Variants in INPP1 observed in about 807,000 individuals in gnomAD.
INPP1 encodes inositol polyphosphate 1-phosphatase.
Under a neutral mutation model 23.0 loss-of-function variants are expected in INPP1, and 18 were observed. That is an observed-to-expected ratio of 0.78 (90% CI 0.54 to 1.16). INPP1 has a LOEUF of 1.16. Ranked by LOEUF, INPP1 falls within the 50% of genes most tolerant of loss-of-function variation. The pLI is 0.00. For synonymous variants in INPP1, 164 were observed against 176.3 expected (o/e 0.93, Z 0.55); for missense variants, 448 against 482.1 (o/e 0.93, Z 0.66).
rs1384864096 is a variant in INPP1 at position 190,363,234 on chromosome 2, GGTTT to G, written c.265+560_265+563del. ...GATTCCTTTTAGTACTAAGTTTTTTGGTTTGTTTGTTTGTTTTTGAGACAGAGTT... is the reference window on the plus strand; with the variant it reads ...GATTCCTTTTAGTACTAAGTTTTTTGGTTTGTTTGTTTTTGAGACAGAGTT... On this transcript the variant is annotated intron_variant, in intron 4 of 6. Transcript: ENST00000392329. This position sits in a 1 kb window ranked among gnomAD's most constrained non-coding sequence, Gnocchi z 4.4. Among the ~76,000 whole-genome samples, 1 of 152,020 alleles carries G rather than the reference GGTTT, an allele frequency of 6.6e-6. No individual in the cohort carries two copies. Among genetic ancestry groups the G allele is most frequent in the African/African-American group, 2.4e-5 (1 of 41,386 alleles).
At chr2:190,350,298 T>C (rs1018450174) in intron 2 of INPP1, among the ~76,000 whole-genome samples, 2 of 152,222 alleles carry the variant, frequency 1.3e-5, no homozygotes, top group African/African-American at 4.8e-5. Context: ...TAATTTACTT[T>C]ACAAAAAGGC....
chr2:190,371,386 C>A lies in INPP1; in HGVS notation c.1184C>A (p.Ala395Glu), dbSNP rs1689803254. The A allele has an allele frequency of 6.6e-7, 1 of 1,526,044 alleles. No individual in the cohort carries two copies. The highest frequency in any genetic ancestry group is 1.4e-5 in the African/African-American group (1 of 71,868). The allele number at this position is 1,526,044 out of a possible 1,614,324, so 94.5% of individuals were successfully genotyped here. A position where few individuals can be genotyped will look rare whatever the true frequency, so the allele number is the denominator to read the frequency against. ...CTCCTGGTCCAAAACCTGGCACCTG[C>A]AGAGACGCATACCTAGAGGAACTCT... ...LSLLVQNLAP[A>E]ETHT The change falls in exon 7 of 7, where the codon GCA becomes GAA. Residue 395 changes from alanine to glutamate, a missense_variant. By Grantham distance (107) the Ala-to-Glu change is moderately radical. Coordinates refer to ENST00000392329, the MANE Select transcript of INPP1 (RefSeq NM_001128928.2). The surrounding 1 kb of genome is among the most constrained non-coding windows in gnomAD (Gnocchi z 5.3).
Position 190,364,606 on chromosome 2 carries a change from T to TTTTTTTTTTTTTG in INPP1, c.265+1919_265+1920insTTTTTTTTTTTTG, listed in dbSNP as rs796196740. 3.6e-3 allele frequency among the ~76,000 whole-genome samples: 344 copies of TTTTTTTTTTTTTG among 96,316 alleles called. 39 individuals are homozygous for TTTTTTTTTTTTTG. Among genetic ancestry groups the TTTTTTTTTTTTTG allele is most frequent in the African/African-American group, 0.013 (288 of 22,978 alleles). The allele number at this position is 96,316 out of a possible 152,430, so 63.2% of individuals were successfully genotyped here. ...GAGGTTCTGATTTTTTTTTTTTTTT[T>TTTTTTTTTTTTTG]GTTAGATGGAGTCTCCCTCTGTTGC... On this transcript the variant is annotated intron_variant, in intron 4 of 6. Transcript: ENST00000392329.
intron 2 of INPP1, among the ~76,000 whole-genome samples, chr2:190,359,050 A>G (rs1427617868): frequency 6.6e-6 from 1 of 152,344 alleles, no homozygotes; most frequent in Admixed American, 6.5e-5. Flanking sequence ...CTGTAGTCCC[A>G]GCACTTTGGG....
rs1689507724 is a variant in INPP1, at chr2:190,360,190, C to A, written c.88C>A (p.Gln30Lys). Residue 30 changes from glutamine (Q) to lysine (K), a missense_variant, in exon 3 of 7, where the codon CAG (glutamine) becomes AAG (lysine). Transcript: ENST00000392329. Reference protein sequence around the residue: ...RACRQQEALFQLLIEEKKEGE... With the variant: ...RACRQQEALFKLLIEEKKEGE... ...GTGCAGACAGCAGGAAGCCCTCTTC[C>A]AGCTGCTGATCGAAGAAAAGAAAGA... 1.2e-6 allele frequency: 2 copies of A among 1,614,070 alleles called. No individual in the cohort carries two copies. The highest frequency in any genetic ancestry group is 1.7e-6 in the Non-Finnish European group (2 of 1,180,046).
intron 6 of INPP1, among the ~76,000 whole-genome samples, chr2:190,369,710 T>C (rs548743502): frequency 6.6e-6 from 1 of 152,254 alleles, no homozygotes; most frequent in African/African-American, 2.4e-5. Context: ...AATGAAAAGA[T>C]TGGTAGGCAT....
chr2:190,371,346 G>C lies in INPP1; in HGVS notation c.1144G>C (p.Glu382Gln), dbSNP rs757398200. 1 of 1,557,280 alleles carries C rather than the reference G, an allele frequency of 6.4e-7. No homozygotes were observed. Among genetic ancestry groups the C allele is most frequent in the South Asian group, 1.2e-5 (1 of 81,140 alleles). Residue 382 changes from glutamate to glutamine, a missense_variant, in exon 7 of 7, where the codon GAG becomes CAG. By Grantham distance (29) the Glu-to-Gln change is conservative. Transcript: ENST00000392329. The surrounding 1 kb of genome is among the most constrained non-coding windows in gnomAD (Gnocchi z 5.3). ...TGCATACAGATCCAGGAAGCGGCTG[G>C]AGACATTCCTGAGCCTCCTGGTCCA... Reference protein sequence around the residue: ...LIAYRSRKRLETFLSLLVQNL... With the variant: ...LIAYRSRKRLQTFLSLLVQNL...
At chr2:190,360,698 A>C (rs1689518416) in intron 3 of INPP1, among the ~76,000 whole-genome samples, 1 of 152,212 alleles carries the variant, frequency 6.6e-6, no homozygotes, top group Non-Finnish European at 1.5e-5. Context: ...GATAAATATT[A>C]TAACATTTTC....
At chr2:190,362,138 G>A (rs541286658) in intron 3 of INPP1, among the ~76,000 whole-genome samples, 2 of 152,162 alleles carry the variant, frequency 1.3e-5, no homozygotes, top group African/African-American at 4.8e-5. Flanking sequence ...ATCTGAGAGT[G>A]GGGAAACAAA....
rs1689162286 is a variant in INPP1 at position 190,343,854 on chromosome 2, G to A, written c.-316G>A. 1 of 170,996 alleles carries A rather than the reference G, an allele frequency of 5.8e-6. No homozygotes were observed. The highest frequency in any genetic ancestry group is 1.3e-5 in the Non-Finnish European group (1 of 78,776). 10.6% of individuals were successfully genotyped at this position (170,996 alleles called of 1,614,324 possible). A position where few individuals can be genotyped will look rare whatever the true frequency, so the allele number is the denominator to read the frequency against. ...TGCGGCCGCACGCCCAGCGCCCCTC[G>A]CCTAACCTCGCGCCCGGGCCGCGCC... On this transcript the variant is annotated 5_prime_UTR_variant, in exon 1 of 7. Transcript: ENST00000392329.
intron 4 of INPP1, among the ~76,000 whole-genome samples, chr2:190,366,240 TCTCA>T (rs1191012235): frequency 1.8e-4 from 27 of 150,372 alleles, no homozygotes; most frequent in African/African-American, 6.1e-4. Context: ...TTGCTCTCTG[TCTCA>T]CTCTTTCCCT....
chr2:190,347,423 A>G (rs147485997), intron 1 of INPP1, among the ~76,000 whole-genome samples: 137 of 152,270 alleles, frequency 9.0e-4, no homozygotes, highest in African/African-American at 3.1e-3. Flanking sequence ...AAGAAATAGA[A>G]TATTAAATAC....
rs374452586 is a variant in INPP1, at chr2:190,344,137, G to T, written c.-209+176G>T. 1,015 of 171,984 alleles carry T rather than the reference G, an allele frequency of 5.9e-3. 6 individuals carry two copies. Among genetic ancestry groups the T allele is most frequent in the Non-Finnish European group, 8.3e-3 (655 of 79,332 alleles). The allele number at this position is 171,984 out of a possible 1,614,324, so 10.7% of individuals were successfully genotyped here. ...CTGCGCGCCGGCCTGCGAGGTCCCT[G>T]CCCCGGCAGCGAGGCCGCCCCCGGC... is the stretch of plus-strand genomic sequence containing the variant. On this transcript the variant is annotated intron_variant, in intron 1 of 6. Transcript: ENST00000392329.
chr2:190,358,072 A>ATTT (rs749071988), intron 2 of INPP1, among the ~76,000 whole-genome samples: 71 of 111,390 alleles, frequency 6.4e-4, no homozygotes, highest in Non-Finnish European at 9.0e-4. Context: ...CATTAAGGGA[A>ATTT]TTTTTTTTTT....
chr2:190,346,705 C>A lies in INPP1; in HGVS notation c.-208-2183C>A, dbSNP rs1689222695. ...GCTTATGCAGTCTCCACCTCTCAGGCTCAAGGAATCCTCCCACCCCAGCCT... is the reference window on the plus strand; with the variant it reads ...GCTTATGCAGTCTCCACCTCTCAGGATCAAGGAATCCTCCCACCCCAGCCT... On this transcript the variant is annotated intron_variant, in intron 1 of 6. Coordinates refer to ENST00000392329, the MANE Select transcript of INPP1 (RefSeq NM_001128928.2). The surrounding 1 kb of genome is among the most constrained non-coding windows in gnomAD (Gnocchi z 5.1). Among the ~76,000 whole-genome samples, 1 of 151,968 alleles carries A rather than the reference C, an allele frequency of 6.6e-6. No individual in the cohort carries two copies. Among genetic ancestry groups the A allele is most frequent in the African/African-American group, 2.4e-5 (1 of 41,386 alleles).
chr2:190,355,600 T>A lies in INPP1; in HGVS notation c.-64-4439T>A, dbSNP rs750436609. On this transcript the variant is annotated intron_variant, in intron 2 of 6. Coordinates refer to ENST00000392329, the MANE Select transcript of INPP1 (RefSeq NM_001128928.2). This position sits in a 1 kb window ranked among gnomAD's most constrained non-coding sequence, Gnocchi z 5.1. ...TTTAGAAGGCCATCTTGGGTAATTC[T>A]GATACAGGTAACTCTCAGAACATCC... Among the ~76,000 whole-genome samples, 25 of 152,336 alleles carry A rather than the reference T, an allele frequency of 1.6e-4. No homozygotes were observed. The highest frequency in any genetic ancestry group is 3.2e-4 in the Non-Finnish European group (22 of 68,030).
At position 190,352,984 on chromosome 2, in the gene INPP1, G is replaced by A. The variant is rs1189845041; in HGVS notation, c.-65+3953G>A. ...ACCGTGGGGGTGGGGTGGAGTCAAT[G>A]CGCAATGGGCAAAAATGTGTACTCT... On this transcript the variant is annotated intron_variant, in intron 2 of 6. Coordinates refer to ENST00000392329, the MANE Select transcript of INPP1 (RefSeq NM_001128928.2). This position sits in a 1 kb window ranked among gnomAD's most constrained non-coding sequence, Gnocchi z 4.7. Among the ~76,000 whole-genome samples the A allele has an allele frequency of 2.6e-5, 4 of 152,200 alleles. No individual in the cohort carries two copies. The highest frequency in any genetic ancestry group is 5.9e-5 in the Non-Finnish European group (4 of 68,050).
Position 190,366,910 on chromosome 2 carries a change from G to GTATGT in INPP1, c.466+17_466+21dup. The GTATGT allele has an allele frequency of 6.5e-7, 1 of 1,547,844 alleles. No individual in the cohort carries two copies. Among genetic ancestry groups the GTATGT allele is most frequent in the Non-Finnish European group, 8.9e-7 (1 of 1,120,238 alleles). ...GGACCCCATAGGTAAGTATAGGAAAGTATGTTTGTTCTTATTTGCAATCTT... is the reference window on the plus strand; with the variant it reads ...GGACCCCATAGGTAAGTATAGGAAAGTATGTTATGTTTGTTCTTATTTGCAATCTT... On this transcript the variant is annotated intron_variant, in intron 5 of 6. Transcript: ENST00000392329.
Position 190,371,384 on chromosome 2 carries a change from T to A in INPP1, c.1182T>A (p.Pro394=), listed in dbSNP as rs1018504160. ...FLSLLVQNLA[P]AETHT is the part of the protein sequence containing the mutation. ...GCCTCCTGGTCCAAAACCTGGCACC[T>A]GCAGAGACGCATACCTAGAGGAACT... The change falls in exon 7 of 7, where the codon CCT becomes CCA. Residue 394 remains proline, a synonymous_variant. Transcript: ENST00000392329. The surrounding 1 kb of genome is among the most constrained non-coding windows in gnomAD (Gnocchi z 5.3). 2.0e-6 allele frequency: 3 copies of A among 1,526,254 alleles called. No homozygotes were observed. In the Admixed American group the frequency reaches 6.4e-5, roughly 33 times the overall value. The allele number at this position is 1,526,254 out of a possible 1,614,324, so 94.5% of individuals were successfully genotyped here. A position where few individuals can be genotyped will look rare whatever the true frequency, so the allele number is the denominator to read the frequency against.
Sources: allele counts gnomAD v4.1 joint callset (sites outside exome capture counted in the v4.1 genomes callset), GRCh38; gene constraint gnomAD v4.1.1; non-coding constraint Gnocchi (gnomAD v3.1); transcripts MANE v1.5; gene names NCBI Gene and HGNC (gene_info 2026-07-23, HGNC 2026-07-21).